RMND1: variants seen among roughly 807,000 people sequenced by gnomAD.
RMND1 encodes the protein required for meiotic nuclear division 1 homolog.
In RMND1, 41 loss-of-function variants were observed where a neutral mutation model predicts 54.0. The observed-to-expected ratio is 0.76, with a 90% confidence interval of 0.59 to 0.98. RMND1 has a LOEUF of 0.98. Ranked by LOEUF, RMND1 falls within the 50% of genes least tolerant of loss-of-function variation. RMND1 has a pLI of 0.00. For missense variants in RMND1, 457 were observed against 532.0 expected, an observed-to-expected ratio of 0.86 and a Z score of 1.39; for synonymous variants, 183 against 181.7, an observed-to-expected ratio of 1.01 and a Z score of -0.06.
chr6:151,415,346 C>T (rs898326936), intron 10 of RMND1, among the ~76,000 whole-genome samples: 1 of 151,200 alleles, frequency 6.6e-6, no homozygotes, highest in Non-Finnish European at 1.5e-5. Flanking sequence ...ATTTAATCTG[C>T]AAGATGTTGA....
At chr6:151,429,764 A>C (rs1485407527) in intron 5 of RMND1, among the ~76,000 whole-genome samples, 1 of 152,180 alleles carries the variant, frequency 6.6e-6, no homozygotes, top group Non-Finnish European at 1.5e-5. Flanking sequence ...ATCTTGAAAA[A>C]ATTATTTCCC....
chr6:151,437,013 A>C (rs1365832542), intron 2 of RMND1, among the ~76,000 whole-genome samples: 1 of 152,240 alleles, frequency 6.6e-6, no homozygotes, highest in Non-Finnish European at 1.5e-5. Context: ...TAAATCCCCA[A>C]AGGAATTACA....
At chr6:151,409,589 A>G (rs1200386669) in intron 10 of RMND1, among the ~76,000 whole-genome samples, 1 of 152,250 alleles carries the variant, frequency 6.6e-6, no homozygotes, top group Non-Finnish European at 1.5e-5. Flanking sequence ...AACAGGCAAG[A>G]AAATAATCAT....
intron 9 of RMND1, among the ~76,000 whole-genome samples, chr6:151,418,198 G>T (rs1780061315): frequency 1.3e-5 from 2 of 152,084 alleles, no homozygotes; most frequent in African/African-American, 4.8e-5. Context: ...CAGATTGCTC[G>T]AGTCTGTGAG....
intron 9 of RMND1, among the ~76,000 whole-genome samples, chr6:151,419,717 T>TA (rs1171348374): frequency 1.7e-4 from 24 of 143,014 alleles, no homozygotes; most frequent in East Asian, 1.0e-3. Context: ...TGTTCACGAT[T>TA]AAAAAAAAAA....
intron 7 of RMND1, 129 bp downstream of exon 7, chr6:151,423,396 G>GA: frequency 1.6e-6 from 1 of 615,498 alleles, no homozygotes. Context: ...CTGATGGAGG[G>GA]AAAAAAAGGA....
At chr6:151,418,842 C>G (rs1031860919) in intron 9 of RMND1, among the ~76,000 whole-genome samples, 1 of 152,136 alleles carries the variant, frequency 6.6e-6, no homozygotes, top group Non-Finnish European at 1.5e-5. Context: ...GCGATCTTGG[C>G]TCACCACAAC....
chr6:151,450,971 G>C (rs922398539), intron 1 of RMND1, among the ~76,000 whole-genome samples: 17 of 152,122 alleles, frequency 1.1e-4, no homozygotes, highest in Non-Finnish European at 1.6e-4. Context: ...GGCGGTGCAA[G>C]ATGTGCTTTG....
chr6:151,450,243 G>A (rs1160443733), intron 1 of RMND1, among the ~76,000 whole-genome samples: 43 of 151,532 alleles, frequency 2.8e-4, no homozygotes, highest in Non-Finnish European at 5.0e-4. Context: ...GAGATGTGGG[G>A]AGCACCTCTG....
At chr6:151,432,362 TC>T (rs1411860673) in intron 4 of RMND1, among the ~76,000 whole-genome samples, 1 of 152,180 alleles carries the variant, frequency 6.6e-6, no homozygotes, top group Admixed American at 6.5e-5. Context: ...CTTGATTCTC[TC>T]TAAAGATGGG....
chr6:151,425,451 TACACAC>T (rs375187928), intron 6 of RMND1, among the ~76,000 whole-genome samples: 1 of 150,210 alleles, frequency 6.7e-6, no homozygotes, highest in African/African-American at 2.4e-5. Flanking sequence ...TGGATAAGCG[TACACAC>T]ACACACACAC....
intron 1 of RMND1, among the ~76,000 whole-genome samples, chr6:151,447,478 G>A (rs1348426615): frequency 6.6e-6 from 1 of 152,162 alleles, no homozygotes; most frequent in South Asian, 2.1e-4. Context: ...AGTGCTCACC[G>A]TTAAGAAGCT....
intron 10 of RMND1, among the ~76,000 whole-genome samples, chr6:151,406,798 G>T (rs1047078177): frequency 6.6e-6 from 1 of 152,144 alleles, no homozygotes; most frequent in African/African-American, 2.4e-5. Context: ...TGAATCACAG[G>T]TACGTGTTCA....
At chr6:151,450,935 G>A (rs1396778385) in intron 1 of RMND1, among the ~76,000 whole-genome samples, 5 of 152,248 alleles carry the variant, frequency 3.3e-5, no homozygotes, top group Middle Eastern at 6.8e-3. Context: ...CATGTGCTGT[G>A]TCCACTCAGA....
chr6:151,446,921 C>T (rs1780968997), intron 1 of RMND1, among the ~76,000 whole-genome samples: 1 of 151,624 alleles, frequency 6.6e-6, no homozygotes, highest in Admixed American at 6.6e-5. Flanking sequence ...AAAAGTTAGA[C>T]CGTAGTAATC....
At chr6:151,440,728 T>C (rs538051316) in intron 2 of RMND1, among the ~76,000 whole-genome samples, 1 of 152,370 alleles carries the variant, frequency 6.6e-6, no homozygotes, top group Admixed American at 6.5e-5. Flanking sequence ...TAGATGAACT[T>C]GACGTTTTAG....
intron 10 of RMND1, among the ~76,000 whole-genome samples, chr6:151,412,641 T>C (rs780756924): frequency 1.2e-4 from 18 of 152,188 alleles, no homozygotes; most frequent in Admixed American, 3.9e-4. Context: ...AAAAGAGGCC[T>C]AATTGGCTCA....
intron 1 of RMND1, among the ~76,000 whole-genome samples, chr6:151,450,190 A>G (rs1781100014): frequency 1.5e-5 from 2 of 136,016 alleles, no homozygotes. Flanking sequence ...CCGCCATCCC[A>G]TCTAGGAAGT....
intron 5 of RMND1, among the ~76,000 whole-genome samples, chr6:151,429,434 T>C (rs940908100): frequency 3.9e-5 from 6 of 152,216 alleles, no homozygotes; most frequent in African/African-American, 1.2e-4. Context: ...TAATCTGCTC[T>C]TTTAATGTAA....
Sources: allele counts gnomAD v4.1 joint callset (sites outside exome capture counted in the v4.1 genomes callset), GRCh38; gene constraint gnomAD v4.1.1; transcripts MANE v1.5; gene names NCBI Gene and HGNC (gene_info 2026-07-23, HGNC 2026-07-21).